The following DNAAF5 variants were observed in gnomAD, a reference collection of about 807,000 sequenced individuals.
The protein encoded by DNAAF5 is HEAT repeat containing 2.
In DNAAF5, 64 loss-of-function variants were observed where a neutral mutation model predicts 75.8. That is an observed-to-expected ratio of 0.84 (90% CI 0.69 to 1.04). The LOEUF is 1.04. Ranked by LOEUF, DNAAF5 falls within the 50% of genes least tolerant of loss-of-function variation. The probability of loss-of-function intolerance (pLI) is 0.00; values close to 1 mark genes in which losing one functional copy is unlikely to be tolerated. For missense variants in DNAAF5, 1,269 were observed against 1,178.5 expected (o/e 1.08, Z -1.12); for synonymous variants, 657 against 557.2 (o/e 1.18, Z -2.52).
chr7:763,288 G>A (rs113600765), intron 7 of DNAAF5, among the ~76,000 whole-genome samples: 53 of 152,298 alleles, frequency 3.5e-4, no homozygotes, highest in African/African-American at 1.1e-3. Context: ...CAGGCTTGGG[G>A]CAATGGCCAC....
chr7:785,110 A>G (rs953919161), intron 12 of DNAAF5, among the ~76,000 whole-genome samples: 4 of 151,056 alleles, frequency 2.6e-5, no homozygotes, highest in African/African-American at 7.3e-5. Flanking sequence ...TCGTGTCCAC[A>G]CTGGGACTGC....
chr7:748,504 G>A (rs895291011), intron 4 of DNAAF5, among the ~76,000 whole-genome samples: 3 of 152,130 alleles, frequency 2.0e-5, no homozygotes, highest in South Asian at 2.1e-4. Flanking sequence ...GACCCCTTCC[G>A]TGCTCTGGAT....
chr7:757,071 T>C, intron 6 of DNAAF5, 77 bp downstream of exon 6: 1 of 1,406,136 alleles, frequency 7.1e-7, no homozygotes. Context: ...TAATGACATG[T>C]CTGTGGGTTG....
At chr7:783,219 T>A (rs1418864219) in intron 12 of DNAAF5, among the ~76,000 whole-genome samples, 4 of 152,244 alleles carry the variant, frequency 2.6e-5, no homozygotes, top group Non-Finnish European at 1.5e-5. Flanking sequence ...CCATTCTTCC[T>A]GGGAAAAGCA....
At chr7:781,266 A>T (rs1778930956) in intron 12 of DNAAF5, among the ~76,000 whole-genome samples, 1 of 152,150 alleles carries the variant, frequency 6.6e-6, no homozygotes. Context: ...CACAAATGAG[A>T]ATGTGCGGAA....
chr7:764,394 C>T (rs1782757047), intron 8 of DNAAF5, among the ~76,000 whole-genome samples: 1 of 152,226 alleles, frequency 6.6e-6, no homozygotes, highest in African/African-American at 2.4e-5. Flanking sequence ...GCGGATCAGC[C>T]ACTTTTCCTG....
At chr7:750,352 G>A (rs189516874) in intron 4 of DNAAF5, among the ~76,000 whole-genome samples, 11 of 152,260 alleles carry the variant, frequency 7.2e-5, no homozygotes, top group Admixed American at 6.5e-4. Context: ...ACCCAATGAC[G>A]TGTTTCCCAG....
At chr7:733,621 C>T (rs193191292) in intron 2 of DNAAF5, among the ~76,000 whole-genome samples, 18 of 152,206 alleles carry the variant, frequency 1.2e-4, no homozygotes, top group African/African-American at 2.4e-4. Flanking sequence ...CTCAGCCTCC[C>T]GAGTAGCTGG....
rs1235721334 is a variant in DNAAF5, at chr7:726,948, ACTG to A, written c.233_235del (p.Leu78del). On this transcript the variant is annotated inframe_deletion, in exon 1 of 13. Coordinates refer to ENST00000297440, the MANE Select transcript of DNAAF5 (RefSeq NM_017802.4). ...CTTTCCAGGGCCCCTGGGCGCGCCTACTGCTGCCGCGCTTGCTGCGCTGCCTGA... is the reference window on the plus strand; with the variant it reads ...CTTTCCAGGGCCCCTGGGCGCGCCTACTGCCGCGCTTGCTGCGCTGCCTGA... 7.5e-7 allele frequency: 1 copy of A among 1,331,536 alleles called. No individual in the cohort carries two copies. Among genetic ancestry groups the A allele is most frequent in the Non-Finnish European group, 9.6e-7 (1 of 1,037,130 alleles). The allele number at this position is 1,331,536 out of a possible 1,614,324, so 82.5% of individuals were successfully genotyped here.
chr7:728,114 C>G (rs1315846652), intron 1 of DNAAF5, among the ~76,000 whole-genome samples: 3 of 152,094 alleles, frequency 2.0e-5, no homozygotes, highest in Non-Finnish European at 2.9e-5. Flanking sequence ...TATAACGTTC[C>G]CCATCTTTTT....
At chr7:743,043 G>A (rs1382998592) in intron 4 of DNAAF5, among the ~76,000 whole-genome samples, 1 of 152,218 alleles carries the variant, frequency 6.6e-6, no homozygotes, top group African/African-American at 2.4e-5. Flanking sequence ...GTCCTGGAGG[G>A]AAATGTATTC....
In DNAAF5 at chr7:742,022, C is replaced by T. The variant is rs562910648; in HGVS notation, c.1024+557C>T. On this transcript the variant is annotated intron_variant, in intron 4 of 12. Transcript: ENST00000297440. ...TGCTCCCTGGCCATGTTGCGGGCAC[C>T]CATGTGCATCTCTCCGCAGAGCCCA... Among the ~76,000 whole-genome samples the T allele has an allele frequency of 2.5e-3, 381 of 152,320 alleles. 2 individuals are homozygous for T. The highest frequency in any genetic ancestry group is 8.7e-3 in the African/African-American group (362 of 41,558).
Position 762,211 on chromosome 7 carries a change from C to T in DNAAF5, c.1614+315C>T, listed in dbSNP as rs1031608540. Among the ~76,000 whole-genome samples, 5 of 152,138 alleles carry T rather than the reference C, an allele frequency of 3.3e-5. No individual in the cohort carries two copies. In the East Asian group the frequency reaches 5.8e-4, roughly 18 times the overall value. ...GTTTAATAGTGCACATGTCGCTGGGCGTGGCATCTCACGCCTGTAATCCCA... is the reference window on the plus strand; with the variant it reads ...GTTTAATAGTGCACATGTCGCTGGGTGTGGCATCTCACGCCTGTAATCCCA... On this transcript the variant is annotated intron_variant, in intron 7 of 12. Transcript: ENST00000297440.
rs566152800 is a variant in DNAAF5 at position 777,339 on chromosome 7, A to G, written c.2239+2177A>G. ...GGGCAGCCTCGCACCCAGCCCGGGAAGGAAGTGCCGATAATAGAACCACCT... is the reference window on the plus strand; with the variant it reads ...GGGCAGCCTCGCACCCAGCCCGGGAGGGAAGTGCCGATAATAGAACCACCT... On this transcript the variant is annotated intron_variant, in intron 11 of 12. Coordinates refer to ENST00000297440, the MANE Select transcript of DNAAF5 (RefSeq NM_017802.4). Among the ~76,000 whole-genome samples, 6 of 152,308 alleles carry G rather than the reference A, an allele frequency of 3.9e-5. No individual in the cohort carries two copies. In the East Asian group the frequency reaches 1.2e-3, roughly 29 times the overall value.
At chr7:764,526 C>T (rs1782761556) in intron 8 of DNAAF5, among the ~76,000 whole-genome samples, 1 of 152,200 alleles carries the variant, frequency 6.6e-6, no homozygotes, top group South Asian at 2.1e-4. Context: ...GCTCCACGGG[C>T]CGTGAACTCG....
chr7:740,700 C>T (rs982478579), intron 2 of DNAAF5, 119 bp from the exon 3 acceptor site: 9 of 1,418,698 alleles, frequency 6.3e-6, no homozygotes, highest in East Asian at 2.3e-5. Flanking sequence ...TGGCCCAGGA[C>T]CTGGCCGTGC....
At chr7:758,732 G>C (rs1310866948) in intron 6 of DNAAF5, among the ~76,000 whole-genome samples, 3 of 152,002 alleles carry the variant, frequency 2.0e-5, no homozygotes, top group Non-Finnish European at 1.5e-5. Context: ...ACCCAGGCTA[G>C]AATGCAGTGG....
chr7:761,036 T>C (rs1214545382), intron 6 of DNAAF5, among the ~76,000 whole-genome samples: 1 of 152,254 alleles, frequency 6.6e-6, no homozygotes, highest in African/African-American at 2.4e-5. Context: ...CGGGGAGAAC[T>C]TGGGCATGTT....
chr7:733,393 A>G (rs140074732), intron 2 of DNAAF5, among the ~76,000 whole-genome samples: 40 of 152,306 alleles, frequency 2.6e-4, no homozygotes, highest in African/African-American at 8.4e-4. Flanking sequence ...TTTGGGTAGT[A>G]TGGACATTTT....
Sources: gnomAD v4.1 joint callset for allele counts (sites outside exome capture counted in the v4.1 genomes callset) on GRCh38, gnomAD v4.1.1 for gene constraint, MANE v1.5 for transcripts, NCBI Gene and HGNC (gene_info 2026-07-23, HGNC 2026-07-21) for gene names.